PATJ: variants seen among roughly 807,000 people sequenced by gnomAD.
The protein encoded by PATJ is inaD-like protein.
PATJ carries 190 observed loss-of-function variants against 224.9 expected under a neutral mutation model. That is an observed-to-expected ratio of 0.84 (90% CI 0.75 to 0.95). The LOEUF (loss-of-function observed/expected upper bound fraction) is 0.95. Among genes scored for constraint, PATJ ranks in the 40% least tolerant of loss-of-function variants. The pLI is 0.00. For missense variants in PATJ, 2,121 were observed against 2,270.3 expected (o/e 0.93, Z 1.34); for synonymous variants, 769 against 820.3 (o/e 0.94, Z 1.07).
At chr1:61,819,690 A>G (rs1656867745) in intron 14 of PATJ, among the ~76,000 whole-genome samples, 3 of 152,214 alleles carry the variant, frequency 2.0e-5, no homozygotes, top group Admixed American at 1.3e-4. Context: ...TACTCCCACC[A>G]TGGCAGATAT....
chr1:61,919,456 A>T (rs966068151), intron 26 of PATJ, among the ~76,000 whole-genome samples: 3 of 151,048 alleles, frequency 2.0e-5, no homozygotes, highest in African/African-American at 4.9e-5. Context: ...GACGCGCACC[A>T]CCACGCCCAG....
At chr1:62,079,917 A>G (rs944046170) in intron 32 of PATJ, among the ~76,000 whole-genome samples, 24 of 151,762 alleles carry the variant, frequency 1.6e-4, no homozygotes, top group Admixed American at 1.1e-3. Context: ...AATCCCAGCT[A>G]CTCGGGAGGC....
intron 27 of PATJ, among the ~76,000 whole-genome samples, chr1:61,969,914 G>A (rs1238439845): frequency 6.6e-6 from 1 of 152,128 alleles, no homozygotes; most frequent in East Asian, 1.9e-4. Flanking sequence ...GACTGGTCTC[G>A]AACTCCTGAC....
intron 8 of PATJ, among the ~76,000 whole-genome samples, chr1:61,790,077 G>A (rs1221019876): frequency 6.6e-6 from 1 of 151,312 alleles, no homozygotes; most frequent in African/African-American, 2.4e-5. Flanking sequence ...AGTAGCTTAC[G>A]CCTGTAGTCC....
At chr1:62,039,025 G>GACCC in intron 30 of PATJ, 1 of 1,091,926 alleles carries the variant, frequency 9.2e-7, no homozygotes, top group South Asian at 1.2e-5. Flanking sequence ...TGATACTCCT[G>GACCC]TAGTGTGTCC....
At chr1:61,822,142 G>T (rs981705032) in intron 14 of PATJ, among the ~76,000 whole-genome samples, 1 of 152,180 alleles carries the variant, frequency 6.6e-6, no homozygotes, top group Admixed American at 6.5e-5. Flanking sequence ...GCCAGGTACT[G>T]TTCCAGGGCT....
At chr1:61,874,575 G>T (rs1209333120) in intron 20 of PATJ, among the ~76,000 whole-genome samples, 3 of 152,270 alleles carry the variant, frequency 2.0e-5, no homozygotes, top group Non-Finnish European at 4.4e-5. Context: ...CCCCACAAAA[G>T]TCCCCACTTC....
At chr1:61,748,040 C>T (rs1218567314) in intron 1 of PATJ, among the ~76,000 whole-genome samples, 6 of 152,108 alleles carry the variant, frequency 3.9e-5, no homozygotes, top group African/African-American at 1.2e-4. Flanking sequence ...GCCACCACAC[C>T]CTGCTAATTT....
At chr1:61,757,453 C>T (rs566322637) in intron 1 of PATJ, among the ~76,000 whole-genome samples, 4 of 152,174 alleles carry the variant, frequency 2.6e-5, no homozygotes, top group Admixed American at 6.5e-5. Flanking sequence ...GGTGCTATCT[C>T]GGCTCACTGC....
chr1:62,068,075 G>A (rs954977752), intron 31 of PATJ, among the ~76,000 whole-genome samples: 2 of 152,192 alleles, frequency 1.3e-5, no homozygotes, highest in Admixed American at 6.5e-5. Context: ...GATTACAGGC[G>A]TGAGCCACCG....
intron 43 of PATJ, among the ~76,000 whole-genome samples, chr1:62,158,508 A>G (rs536244562): frequency 6.7e-6 from 1 of 148,684 alleles, no homozygotes; most frequent in East Asian, 1.9e-4. Flanking sequence ...TCACGAGGTC[A>G]GGAGATTGAG....
chr1:61,909,664 C>T (rs1557861296), intron 25 of PATJ, among the ~76,000 whole-genome samples: 1 of 152,036 alleles, frequency 6.6e-6, no homozygotes, highest in Non-Finnish European at 1.5e-5. Flanking sequence ...TTGATAGGGT[C>T]TCACTTTGTT....
chr1:62,099,347 C>CTTTTTTTTTT lies in PATJ; in HGVS notation c.4378-9069_4378-9060dup, dbSNP rs71050197. On this transcript the variant is annotated intron_variant, in intron 33 of 43. Coordinates refer to ENST00000642238, the MANE Select transcript of PATJ (RefSeq NM_001350145.3). ...ATTTTTTTGTATACAATATCTCCAA[C>CTTTTTTTTTT]TTTTTTTTTTTTTTTTTTTTTTTTT... Among the ~76,000 whole-genome samples the CTTTTTTTTTT allele has an allele frequency of 1.2e-3, 65 of 55,678 alleles. 5 individuals are homozygous for CTTTTTTTTTT. The highest frequency in any genetic ancestry group is 3.3e-3 in the African/African-American group (43 of 12,842). The allele number at this position is 55,678 out of a possible 152,430, so 36.5% of individuals were successfully genotyped here.
At chr1:61,984,291 G>C (rs1021910312) in intron 27 of PATJ, among the ~76,000 whole-genome samples, 1 of 151,330 alleles carries the variant, frequency 6.6e-6, no homozygotes, top group Non-Finnish European at 1.5e-5. Context: ...CTCCCGATTA[G>C]CTGGGATTAC....
intron 6 of PATJ, among the ~76,000 whole-genome samples, chr1:61,772,488 G>A (rs538233557): frequency 2.6e-5 from 4 of 151,984 alleles, no homozygotes; most frequent in African/African-American, 7.2e-5. Context: ...GGCTTGCATC[G>A]TCAGAATGCA....
chr1:61,787,467 C>T (rs1006395562), intron 7 of PATJ, among the ~76,000 whole-genome samples: 3 of 152,232 alleles, frequency 2.0e-5, no homozygotes, highest in Admixed American at 2.0e-4. Flanking sequence ...GCACACGTGA[C>T]CATTAACACC....
intron 27 of PATJ, chr1:61,952,539 A>T: frequency 1.5e-6 from 1 of 676,440 alleles, no homozygotes; most frequent in Non-Finnish European, 2.8e-6. Flanking sequence ...TTCTTAAGTA[A>T]GAGAGCGAGG....
chr1:61,804,394 T>C (rs1653121607), intron 12 of PATJ, among the ~76,000 whole-genome samples: 1 of 152,170 alleles, frequency 6.6e-6, no homozygotes, highest in Non-Finnish European at 1.5e-5. Flanking sequence ...GTCACTGATT[T>C]TTGAGGTTAG....
intron 22 of PATJ, among the ~76,000 whole-genome samples, chr1:61,894,697 T>C (rs941346690): frequency 6.6e-6 from 1 of 152,198 alleles, no homozygotes; most frequent in Non-Finnish European, 1.5e-5. Flanking sequence ...AGTATCTTTA[T>C]AGAGTGTGAC....
Sources: allele counts gnomAD v4.1 joint callset (sites outside exome capture counted in the v4.1 genomes callset), GRCh38; gene constraint gnomAD v4.1.1; transcripts MANE v1.5; gene names NCBI Gene and HGNC (gene_info 2026-07-23, HGNC 2026-07-21).